VMP1: variants seen among roughly 807,000 people sequenced by gnomAD.
The protein encoded by VMP1 is vacuole membrane protein 1, also known as ectopic P-granules autophagy protein 3 homolog.
VMP1 carries 11 observed loss-of-function variants against 56.0 expected under a neutral mutation model. The observed-to-expected ratio is 0.20, with a 90% confidence interval of 0.12 to 0.32. The LOEUF (loss-of-function observed/expected upper bound fraction) is 0.32. Ranked by LOEUF, VMP1 falls within the 10% of genes least tolerant of loss-of-function variation. VMP1 has a pLI of 1.00. For missense variants in VMP1, 296 were observed against 490.3 expected (o/e 0.60, Z 3.74); for synonymous variants, 149 against 165.0 (o/e 0.90, Z 0.74).
chr17:59,813,462 A>G (rs1733366899), intron 9 of VMP1, among the ~76,000 whole-genome samples: 1 of 152,044 alleles, frequency 6.6e-6, no homozygotes, highest in African/African-American at 2.4e-5. Flanking sequence ...CTGTAATCCC[A>G]GCTACTCAGG....
chr17:59,837,932 T>G, intron 10 of VMP1: 1 of 162,094 alleles, frequency 6.2e-6, no homozygotes, highest in East Asian at 1.7e-4. Flanking sequence ...AAGTCATTCA[T>G]TTTATTCTTT....
At position 59,808,787 on chromosome 17, in the gene VMP1, T is replaced by G. The variant is rs745553102; in HGVS notation, c.715-9T>G. ...TCTCATTAATGTTTCTAAATTTGCC[T>G]TTTTACAGGACTTTGCCTCCCGGGC... On this transcript the variant is annotated splice_polypyrimidine_tract_variant and intron_variant, in intron 7 of 11. Transcript: ENST00000262291. 45 of 1,611,728 alleles carry G rather than the reference T, an allele frequency of 2.8e-5. No homozygotes were observed. The highest frequency in any genetic ancestry group is 1.1e-5 in the South Asian group (1 of 90,644).
chr17:59,733,412 T>C (rs149931148), intron 2 of VMP1, among the ~76,000 whole-genome samples: 1 of 151,486 alleles, frequency 6.6e-6, no homozygotes, highest in African/African-American at 2.4e-5. Flanking sequence ...GTATATGCAT[T>C]TTGTGCTGGG....
At chr17:59,760,888 G>A (rs1057379699) in intron 5 of VMP1, among the ~76,000 whole-genome samples, 18 of 151,886 alleles carry the variant, frequency 1.2e-4, no homozygotes, top group South Asian at 2.1e-4. Flanking sequence ...CAAAGCGCTG[G>A]GATTACAGGC....
At chr17:59,761,926 C>A (rs145715130) in intron 5 of VMP1, among the ~76,000 whole-genome samples, 6 of 152,176 alleles carry the variant, frequency 3.9e-5, no homozygotes, top group African/African-American at 1.2e-4. Flanking sequence ...ATTCTCAACT[C>A]GGCAGGAGCA....
intron 1 of VMP1, among the ~76,000 whole-genome samples, chr17:59,711,060 G>A (rs1317810658): frequency 1.1e-4 from 16 of 146,302 alleles, no homozygotes; most frequent in African/African-American, 4.1e-4. Flanking sequence ...ACAACAGAGC[G>A]AGACTCCATC....
chr17:59,800,555 C>T (rs2144167791), intron 7 of VMP1, among the ~76,000 whole-genome samples: 2 of 152,288 alleles, frequency 1.3e-5, no homozygotes, highest in Middle Eastern at 6.8e-3. Context: ...TGTGAAATCA[C>T]TTCAGCTCCA....
intron 5 of VMP1, among the ~76,000 whole-genome samples, chr17:59,741,292 T>C (rs2035216453): frequency 6.6e-6 from 1 of 152,000 alleles, no homozygotes; most frequent in Non-Finnish European, 1.5e-5. Flanking sequence ...GTGTGGGAGA[T>C]AGATTGAAGG....
At chr17:59,828,931 C>A (rs1045283731) in intron 10 of VMP1, among the ~76,000 whole-genome samples, 1 of 152,124 alleles carries the variant, frequency 6.6e-6, no homozygotes, top group Non-Finnish European at 1.5e-5. Flanking sequence ...GCCTGACCAA[C>A]ATGGTGAAAC....
Position 59,809,679 on chromosome 17 carries a change from T to C in VMP1, c.795+803T>C, listed in dbSNP as rs1015979981. ...CCGCCACTACGCCCGGCTAATTTTT[T>C]GTATTTTTAGTAGAGACGGGGTTTC... On this transcript the variant is annotated intron_variant, in intron 8 of 11. Transcript: ENST00000262291. Among the ~76,000 whole-genome samples the C allele has an allele frequency of 2.0e-5, 3 of 150,906 alleles. No homozygotes were observed. The East Asian group carries it at 5.9e-4, about 30-fold the overall frequency.
rs562860320 is a variant in VMP1, at chr17:59,818,834, T to A, written c.974+1061T>A. 5.3e-5 allele frequency among the ~76,000 whole-genome samples: 8 copies of A among 152,320 alleles called. No individual in the cohort carries two copies. In the East Asian group the frequency reaches 1.5e-3, roughly 29 times the overall value. On this transcript the variant is annotated intron_variant, in intron 10 of 11. Transcript: ENST00000262291. ...GGGGAGAGGTTTTCTTTTCATTCAG[T>A]AGTACAGCTGCCCCACGGGGGAAAT...
chr17:59,750,225 C>CTT (rs1333882246), intron 5 of VMP1, among the ~76,000 whole-genome samples: 1 of 151,780 alleles, frequency 6.6e-6, no homozygotes, highest in East Asian at 1.9e-4. Context: ...GCATGTACTT[C>CTT]TTGCTGTGTA....
chr17:59,820,744 G>T lies in VMP1; in HGVS notation c.974+2971G>T, dbSNP rs771725668. On this transcript the variant is annotated intron_variant, in intron 10 of 11. Transcript: ENST00000262291. ...TTTTTGTTTACTGTTATGTCCACTG[G>T]TCCTGGCGTCTTGACTGACATATAG... 1.2e-3 allele frequency among the ~76,000 whole-genome samples: 180 copies of T among 152,256 alleles called. 1 individual carries two copies. Among genetic ancestry groups the T allele is most frequent in the Admixed American group, 1.0e-3 (16 of 15,296 alleles).
intron 7 of VMP1, among the ~76,000 whole-genome samples, chr17:59,788,995 A>C (rs2037113818): frequency 6.6e-6 from 1 of 151,446 alleles, no homozygotes; most frequent in Non-Finnish European, 1.5e-5. Context: ...ATGCCTTTAG[A>C]AAGGCCCCTT....
In VMP1 at chr17:59,839,982, G is replaced by A. The variant is rs531167928; in HGVS notation, c.*71G>A. ...CCTTAAATTGGGAGGACTCCAAGCCGGGAAGGAAAATTCCCTTTTCCAACC... is the reference window on the plus strand; with the variant it reads ...CCTTAAATTGGGAGGACTCCAAGCCAGGAAGGAAAATTCCCTTTTCCAACC... On this transcript the variant is annotated 3_prime_UTR_variant, in exon 12 of 12. Transcript: ENST00000262291. 7.0e-6 allele frequency: 11 copies of A among 1,564,066 alleles called. No individual in the cohort carries two copies. Among genetic ancestry groups the A allele is most frequent in the South Asian group, 3.6e-5 (3 of 83,428 alleles).
chr17:59,780,169 AT>A (rs1448496820), intron 7 of VMP1, among the ~76,000 whole-genome samples: 1 of 152,250 alleles, frequency 6.6e-6, no homozygotes, highest in Non-Finnish European at 1.5e-5. Flanking sequence ...TGTAAAGCCA[AT>A]AATTAAAATC....
chr17:59,840,260 T>C lies in VMP1; in HGVS notation c.*349T>C, dbSNP rs182811044. 7.3e-3 allele frequency: 1,573 copies of C among 216,956 alleles called. 15 individuals are homozygous for C. The highest frequency in any genetic ancestry group is 0.011 in the Non-Finnish European group (1,195 of 109,650). 13.4% of individuals were successfully genotyped at this position (216,956 alleles called of 1,614,324 possible). On this transcript the variant is annotated 3_prime_UTR_variant, in exon 12 of 12. Coordinates refer to ENST00000262291, the MANE Select transcript of VMP1 (RefSeq NM_030938.5). ...AAAAAGTTCCTAAGTATGTTAAATA[T>C]GTCAAGCTTTTTAGGCTTGTCACAA...
intron 10 of VMP1, among the ~76,000 whole-genome samples, chr17:59,836,632 T>G (rs561990910): frequency 2.8e-4 from 43 of 152,100 alleles, no homozygotes; most frequent in African/African-American, 1.0e-3. Context: ...AGTTCGTGTG[T>G]GTGTGTGCGC....
chr17:59,778,198 G>A (rs796819394), intron 7 of VMP1, among the ~76,000 whole-genome samples: 6 of 152,032 alleles, frequency 3.9e-5, no homozygotes, highest in South Asian at 2.1e-4. Context: ...TTTGGAGTTC[G>A]AGGCTTTCCT....
Sources: gnomAD v4.1 joint callset for allele counts (sites outside exome capture counted in the v4.1 genomes callset) on GRCh38, gnomAD v4.1.1 for gene constraint, MANE v1.5 for transcripts, NCBI Gene and HGNC (gene_info 2026-07-23, HGNC 2026-07-21) for gene names.